The following ATP2A2 variants were observed in gnomAD, a reference collection of about 807,000 sequenced individuals.
ATP2A2 encodes the protein ATPase sarcoplasmic/endoplasmic reticulum Ca2+ transporting 2.
A neutral mutation model predicts 109.3 loss-of-function variants in ATP2A2; 14 were observed. That is an observed-to-expected ratio of 0.13 (90% CI 0.08 to 0.20). The LOEUF is 0.20. Ranked by LOEUF, ATP2A2 falls within the 10% of genes least tolerant of loss-of-function variation. The pLI is 1.00. For synonymous variants in ATP2A2, 506 were observed against 490.9 expected, an observed-to-expected ratio of 1.03 and a Z score of -0.41; for missense variants, 657 against 1,321.6, an observed-to-expected ratio of 0.50 and a Z score of 7.80.
chr12:110,294,480 C>T (rs1264470048), intron 4 of ATP2A2, among the ~76,000 whole-genome samples: 1 of 152,034 alleles, frequency 6.6e-6, no homozygotes, highest in Non-Finnish European at 1.5e-5. Context: ...GCCAACATGG[C>T]AAGTCCCCGT....
chr12:110,332,515 C>A, intron 8 of ATP2A2, 82 bp from the exon 9 acceptor site: 1 of 1,197,202 alleles, frequency 8.4e-7, no homozygotes, highest in East Asian at 2.3e-5. Flanking sequence ...TTGCCTTTGT[C>A]CTAAGCTAAC....
At chr12:110,285,892 T>C (rs1872606586) in intron 3 of ATP2A2, among the ~76,000 whole-genome samples, 1 of 151,046 alleles carries the variant, frequency 6.6e-6, no homozygotes, top group Admixed American at 6.6e-5. Flanking sequence ...CTTTTCTTCC[T>C]ACTAGACCCC....
At chr12:110,341,699 C>G (rs1252858997) in intron 14 of ATP2A2, among the ~76,000 whole-genome samples, 1 of 152,006 alleles carries the variant, frequency 6.6e-6, no homozygotes, top group African/African-American at 2.4e-5. Context: ...ATGGTGAAAC[C>G]CCGTCTGTAC....
In ATP2A2 at chr12:110,326,376, C is replaced by T. The variant is rs1566228584; in HGVS notation, c.545-14C>T. 6.2e-7 allele frequency: 1 copy of T among 1,612,416 alleles called. No individual in the cohort carries two copies. Among genetic ancestry groups the T allele is most frequent in the Non-Finnish European group, 8.5e-7 (1 of 1,178,880 alleles). ...TCGCAGAGATCTGTTTTTTCTGTCTCACAACCCGCTTAGGTGAATCTGTCT... is the reference window on the plus strand; with the variant it reads ...TCGCAGAGATCTGTTTTTTCTGTCTTACAACCCGCTTAGGTGAATCTGTCT... On this transcript the variant is annotated splice_polypyrimidine_tract_variant and intron_variant, in intron 6 of 19. Transcript: ENST00000539276.
intron 5 of ATP2A2, among the ~76,000 whole-genome samples, chr12:110,315,827 G>C (rs1398874841): frequency 6.6e-6 from 1 of 152,216 alleles, no homozygotes; most frequent in African/African-American, 2.4e-5. Flanking sequence ...TGTAGTCCCA[G>C]GTATTTGGGA....
Position 110,346,919 on chromosome 12 carries a change from T to G in ATP2A2, c.*449T>G, listed in dbSNP as rs575575851. The G allele has an allele frequency of 3.5e-5, 38 of 1,089,394 alleles. No individual in the cohort carries two copies. In the South Asian group the frequency reaches 8.3e-4, roughly 24 times the overall value. 67.5% of individuals were successfully genotyped at this position (1,089,394 alleles called of 1,614,324 possible). A position where few individuals can be genotyped will look rare whatever the true frequency, so the allele number is the denominator to read the frequency against. On this transcript the variant is annotated 3_prime_UTR_variant, in exon 20 of 20. Coordinates refer to ENST00000539276, the MANE Select transcript of ATP2A2 (RefSeq NM_170665.4). ...TTTAATTTGATATCACAGTCTAATT[T>G]TTATTCATAAGCCAATTTTTCTGCA...
At position 110,346,707 on chromosome 12, in the gene ATP2A2, TA is replaced by T. The variant is rs1046534221; in HGVS notation, c.*238del. The T allele has an allele frequency of 3.2e-5, 44 of 1,380,436 alleles. No individual in the cohort carries two copies. Among genetic ancestry groups the T allele is most frequent in the South Asian group, 2.0e-4 (13 of 64,272 alleles). The allele number at this position is 1,380,436 out of a possible 1,614,324, so 85.5% of individuals were successfully genotyped here. A position where few individuals can be genotyped will look rare whatever the true frequency, so the allele number is the denominator to read the frequency against. On this transcript the variant is annotated 3_prime_UTR_variant, in exon 20 of 20. Transcript: ENST00000539276. ...GAGAACTAACACTATTTTATGCAAA[TA>T]TTTTTTTGTAGATGAAAAAGCATGT... is the stretch of plus-strand genomic sequence containing the variant.
At chr12:110,324,233 G>A (rs1482184501) in intron 6 of ATP2A2, among the ~76,000 whole-genome samples, 2 of 152,092 alleles carry the variant, frequency 1.3e-5, no homozygotes, top group Non-Finnish European at 2.9e-5. Flanking sequence ...TAATGTCATG[G>A]AGACAGTTAT....
chr12:110,332,729 T>TTA (rs756224090), intron 9 of ATP2A2, 44 bp downstream of exon 9: 1 of 1,489,656 alleles, frequency 6.7e-7, no homozygotes. Flanking sequence ...GTGTGGCAGT[T>TTA]TAGTATTTGT....
rs1880139669 is a variant in ATP2A2 at position 110,348,927 on chromosome 12, T to A, written c.*2457T>A. 1.0e-6 allele frequency: 1 copy of A among 985,362 alleles called. No individual in the cohort carries two copies. The highest frequency in any genetic ancestry group is 6.1e-5 in the Admixed American group (1 of 16,270). The allele number at this position is 985,362 out of a possible 1,614,324, so 61.0% of individuals were successfully genotyped here. On this transcript the variant is annotated 3_prime_UTR_variant, in exon 20 of 20. Transcript: ENST00000539276. Reference sequence around the variant, plus strand: ...TGAGTGCTGCACTATTGCTATTCCGTGCAAACAAAACTCAGCTTTTCCTGA... The same window carrying A: ...TGAGTGCTGCACTATTGCTATTCCGAGCAAACAAAACTCAGCTTTTCCTGA...
chr12:110,308,178 A>T (rs754923055), intron 5 of ATP2A2, among the ~76,000 whole-genome samples: 1 of 152,172 alleles, frequency 6.6e-6, no homozygotes, highest in Non-Finnish European at 1.5e-5. Flanking sequence ...GCATTTGCAA[A>T]TGAAAATGTT....
intron 15 of ATP2A2, 35 bp from the exon 16 acceptor site, chr12:110,343,197 G>C: frequency 1.2e-6 from 2 of 1,604,866 alleles, no homozygotes; most frequent in Non-Finnish European, 1.7e-6. Context: ...AAGTCATTTG[G>C]GCTCTCTTTG....
At chr12:110,333,937 A>G in intron 10 of ATP2A2, 75 bp from the exon 11 acceptor site, 3 of 1,587,978 alleles carry the variant, frequency 1.9e-6, no homozygotes, top group East Asian at 2.3e-5. Flanking sequence ...GCTTTTGTGG[A>G]AAAAAAATAT....
intron 5 of ATP2A2, among the ~76,000 whole-genome samples, chr12:110,300,862 G>A (rs941538547): frequency 3.3e-5 from 5 of 151,964 alleles, no homozygotes; most frequent in Admixed American, 6.6e-5. Flanking sequence ...TCTAGTTTAC[G>A]TGACTGGGTG....
At chr12:110,285,289 C>T (rs1872551623) in intron 3 of ATP2A2, among the ~76,000 whole-genome samples, 1 of 152,064 alleles carries the variant, frequency 6.6e-6, no homozygotes, top group South Asian at 2.1e-4. Context: ...AAGAAATAAG[C>T]TTCATCTTCC....
intron 8 of ATP2A2, 143 bp from the exon 9 acceptor site, chr12:110,332,454 T>G: frequency 4.0e-6 from 3 of 747,292 alleles, no homozygotes; most frequent in Non-Finnish European, 7.2e-6. Flanking sequence ...TGATGCTGAG[T>G]GAGCCTCAGT....
intron 3 of ATP2A2, among the ~76,000 whole-genome samples, chr12:110,290,348 T>G (rs991222630): frequency 1.3e-5 from 2 of 152,184 alleles, no homozygotes; most frequent in African/African-American, 4.8e-5. Context: ...AATTAAACAG[T>G]TTATATATGC....
chr12:110,350,153 C>G lies in ATP2A2; in HGVS notation c.*3683C>G. 1 of 1,565,134 alleles carries G rather than the reference C, an allele frequency of 6.4e-7. No individual in the cohort carries two copies. The highest frequency in any genetic ancestry group is 8.7e-7 in the Non-Finnish European group (1 of 1,155,304). The stretch of plus-strand genomic sequence containing the variant: ...CCTCAGGGACAGTAAATCAGAAATG[C>G]TGGTCTTGAAACCTTGAAAAGATCA... On this transcript the variant is annotated 3_prime_UTR_variant, in exon 20 of 20. Transcript: ENST00000539276.
At chr12:110,283,426 T>C (rs1872350804) in intron 3 of ATP2A2, among the ~76,000 whole-genome samples, 1 of 152,200 alleles carries the variant, frequency 6.6e-6, no homozygotes, top group Admixed American at 6.5e-5. Flanking sequence ...AGCATGGTGT[T>C]TTTTCTTGTT....
Sources: gnomAD v4.1 joint callset for allele counts (sites outside exome capture counted in the v4.1 genomes callset) on GRCh38, gnomAD v4.1.1 for gene constraint, MANE v1.5 for transcripts, NCBI Gene and HGNC (gene_info 2026-07-23, HGNC 2026-07-21) for gene names.